The following CNGB1 variants were observed in gnomAD, a reference collection of about 807,000 sequenced individuals.
CNGB1 encodes the protein cyclic nucleotide gated channel subunit beta 1.
In CNGB1, 126 loss-of-function variants were observed where a neutral mutation model predicts 151.7. That is an observed-to-expected ratio of 0.83 (90% CI 0.72 to 0.96). The LOEUF (loss-of-function observed/expected upper bound fraction) is 0.96. CNGB1 is among the 40% of genes least tolerant of loss of function. CNGB1 has a pLI of 0.00. For missense variants in CNGB1, 1,698 were observed against 1,627.0 expected, an observed-to-expected ratio of 1.04 and a Z score of -0.75; for synonymous variants, 623 against 635.1, an observed-to-expected ratio of 0.98 and a Z score of 0.29.
intron 29 of CNGB1, 67 bp from the exon 30 acceptor site, chr16:57,897,981 G>A (rs1399012935): frequency 1.9e-6 from 3 of 1,540,936 alleles, no homozygotes; most frequent in African/African-American, 2.7e-5. Context: ...AGCCAGGGCT[G>A]GATCCAGAGG....
At chr16:57,925,431 C>T (rs1961157393) in intron 17 of CNGB1, among the ~76,000 whole-genome samples, 1 of 152,318 alleles carries the variant, frequency 6.6e-6, no homozygotes, top group Non-Finnish European at 1.5e-5. Context: ...ACAGCTGAAT[C>T]AGCAAGAGAA....
In CNGB1 at chr16:57,884,117, G is replaced by A. The variant is rs1226598262; in HGVS notation, c.*47C>T. On this transcript the variant is annotated 3_prime_UTR_variant, in exon 33 of 33. Transcript: ENST00000251102. Reference sequence around the variant, plus strand: ...GGGGCGCAGGGGCGCAGCGGGCGCTGGGGACACACCTGCTGGAACTGCGCG... The same window carrying A: ...GGGGCGCAGGGGCGCAGCGGGCGCTAGGGACACACCTGCTGGAACTGCGCG... 6.2e-6 allele frequency: 10 copies of A among 1,612,198 alleles called. No homozygotes were observed. In the East Asian group the frequency reaches 2.0e-4, roughly 32 times the overall value.
chr16:57,935,620 C>A (rs1425593356), intron 16 of CNGB1, among the ~76,000 whole-genome samples: 1 of 152,060 alleles, frequency 6.6e-6, no homozygotes, highest in African/African-American at 2.4e-5. Flanking sequence ...AACACTCCAG[C>A]CCGAGCAACA....
intron 25 of CNGB1, among the ~76,000 whole-genome samples, chr16:57,906,381 C>T (rs8044990): frequency 0.079 from 12,029 of 152,240 alleles, 1,304 homozygotes; most frequent in African/African-American, 0.25. Context: ...CCCTGGGGAA[C>T]TGAACAGATT....
chr16:57,911,770 G>A lies in CNGB1; in HGVS notation c.2475C>T (p.Tyr825=), dbSNP rs200934249. 518 of 1,613,970 alleles carry A rather than the reference G, an allele frequency of 3.2e-4. 1 individual carries two copies. In the African/African-American group the frequency reaches 5.1e-3, roughly 16 times the overall value. Residue 825 remains tyrosine, a synonymous_variant, in exon 25 of 33, where the codon TAC becomes TAT. Transcript: ENST00000251102. ...YQGLGSTHWV[Y]DGVGNSYIRC... is the part of the protein sequence containing the mutation. ...TGGCTCACCTGTTTCCCACGCCATC[G>A]TAAACCCAGTGAGTGGAGCCGAGGC...
At chr16:57,885,392 T>C (rs570452733) in intron 32 of CNGB1, among the ~76,000 whole-genome samples, 70 of 152,262 alleles carry the variant, frequency 4.6e-4, no homozygotes, top group Non-Finnish European at 8.4e-4. Flanking sequence ...AGGCCTCTCT[T>C]GGGACATGCT....
chr16:57,916,545 T>C (rs2149364374), intron 21 of CNGB1, among the ~76,000 whole-genome samples: 1 of 152,354 alleles, frequency 6.6e-6, no homozygotes, highest in South Asian at 2.1e-4. Context: ...ACTTTTTACT[T>C]TACTCTCTTT....
At position 57,917,478 on chromosome 16, in the gene CNGB1, T is replaced by G. The variant is rs1322995505; in HGVS notation, c.1958-2A>C. On this transcript the variant is annotated splice_acceptor_variant, in intron 20 of 32. Transcript: ENST00000251102. LOFTEE classifies it high-confidence loss of function. ...ACAGCCATAGGACATACATCAGGTC[T>G]GTGGGGAAGGTTGACGGGGACGCTA... is the stretch of plus-strand genomic sequence containing the variant. 2.5e-6 allele frequency: 4 copies of G among 1,613,934 alleles called. No individual in the cohort carries two copies. Among genetic ancestry groups the G allele is most frequent in the Admixed American group, 1.7e-5 (1 of 60,010 alleles).
intron 14 of CNGB1, among the ~76,000 whole-genome samples, chr16:57,940,802 C>A (rs748419886): frequency 7.2e-5 from 11 of 152,048 alleles, no homozygotes; most frequent in Non-Finnish European, 1.2e-4. Flanking sequence ...AGCAAATTGT[C>A]CCAAACCACA....
At chr16:57,950,930 G>T (rs779977103) in intron 12 of CNGB1, among the ~76,000 whole-genome samples, 1 of 152,140 alleles carries the variant, frequency 6.6e-6, no homozygotes, top group Non-Finnish European at 1.5e-5. Flanking sequence ...ACATCCAGGT[G>T]CAGGTGGACT....
Position 57,963,052 on chromosome 16 carries a change from C to A in CNGB1, c.303G>T (p.Arg101Ser). 1 of 1,613,194 alleles carries A rather than the reference C, an allele frequency of 6.2e-7. No individual in the cohort carries two copies. The highest frequency in any genetic ancestry group is 8.5e-7 in the Non-Finnish European group (1 of 1,179,932). ...CGCCCTTCATGAGCCAGGTCAGTACCCTGCGGCTGGGACTGCGATGGACAG... is the reference window on the plus strand; with the variant it reads ...CGCCCTTCATGAGCCAGGTCAGTACACTGCGGCTGGGACTGCGATGGACAG... ...EISEMNSPSR[R>S]VLTWLMKGVE... Residue 101 changes from arginine (R) to serine (S), a missense_variant, in exon 5 of 33, where the codon AGG (arginine) becomes AGT (serine). By Grantham distance (110) the Arg-to-Ser change is moderately radical (BLOSUM62 -1). Coordinates refer to ENST00000251102, the MANE Select transcript of CNGB1 (RefSeq NM_001297.5).
At position 57,903,865 on chromosome 16, in the gene CNGB1, G is replaced by A; in HGVS notation, c.2751C>T (p.Val917=). The A allele has an allele frequency of 6.2e-7, 1 of 1,614,206 alleles. No homozygotes were observed. The highest frequency in any genetic ancestry group is 1.1e-5 in the South Asian group (1 of 91,080). ...YKIPKSVQNR[V]KTWYEYTWHS... is the part of the protein sequence containing the mutation. Reference sequence around the variant, plus strand: ...GCCAGGTGTACTCGTACCAGGTCTTGACGCGGTTCTGCACGGACTTGGGGA... The same window carrying A: ...GCCAGGTGTACTCGTACCAGGTCTTAACGCGGTTCTGCACGGACTTGGGGA... The change falls in exon 27 of 33, where the codon GTC becomes GTT. Residue 917 remains valine (V), a synonymous_variant. Transcript: ENST00000251102.
chr16:57,969,625 T>G (rs1962489461), intron 1 of CNGB1, among the ~76,000 whole-genome samples: 1 of 152,208 alleles, frequency 6.6e-6, no homozygotes, highest in African/African-American at 2.4e-5. Context: ...AATAAAATGC[T>G]TATAGTGCTA....
chr16:57,898,372 T>G (rs546961576), intron 29 of CNGB1, among the ~76,000 whole-genome samples: 1 of 149,344 alleles, frequency 6.7e-6, no homozygotes, highest in African/African-American at 2.6e-5. Flanking sequence ...ATAACGATAA[T>G]ATTCAAATTG....
chr16:57,907,884 C>T (rs1473730806), intron 25 of CNGB1, among the ~76,000 whole-genome samples: 1 of 152,152 alleles, frequency 6.6e-6, no homozygotes, highest in Non-Finnish European at 1.5e-5. Context: ...CCTGCCTGGG[C>T]TGCCCTGGCC....
intron 12 of CNGB1, 80 bp downstream of exon 12, chr16:57,957,261 T>G (rs1962112699): frequency 1.4e-6 from 2 of 1,388,488 alleles, no homozygotes; most frequent in Non-Finnish European, 2.1e-6. Flanking sequence ...ACAGCCCCCC[T>G]GCCCACATAC....
At chr16:57,966,109 C>G (rs372202904) in intron 2 of CNGB1, among the ~76,000 whole-genome samples, 4 of 152,352 alleles carry the variant, frequency 2.6e-5, no homozygotes, top group African/African-American at 9.6e-5. Context: ...GTCTAAGAAG[C>G]TCTCCCCCAT....
intron 17 of CNGB1, among the ~76,000 whole-genome samples, chr16:57,927,196 A>G (rs1182541982): frequency 6.6e-6 from 1 of 152,142 alleles, no homozygotes; most frequent in East Asian, 1.9e-4. Context: ...CACGGGGAAA[A>G]TGGAGGCCTA....
At chr16:57,963,755 C>T (rs1303721574) in intron 4 of CNGB1, among the ~76,000 whole-genome samples, 1 of 152,244 alleles carries the variant, frequency 6.6e-6, no homozygotes, top group Non-Finnish European at 1.5e-5. Context: ...GCTCACTATG[C>T]AGCTCTGACC....
Sources: allele counts gnomAD v4.1 joint callset (sites outside exome capture counted in the v4.1 genomes callset), GRCh38; gene constraint gnomAD v4.1.1; transcripts MANE v1.5; gene names NCBI Gene and HGNC (gene_info 2026-07-23, HGNC 2026-07-21).